Variants in DSTN observed in about 807,000 individuals in gnomAD.
The protein encoded by DSTN is destrin.
DSTN carries 10 observed loss-of-function variants against 16.8 expected under a neutral mutation model. The observed-to-expected ratio is 0.60, with a 90% confidence interval of 0.37 to 1.01. DSTN has a LOEUF of 1.01. DSTN is among the 50% of genes least tolerant of loss of function. The pLI is 0.01. For synonymous variants in DSTN, 57 were observed against 58.9 expected (o/e 0.97, Z 0.14); for missense variants, 141 against 196.7 (o/e 0.72, Z 1.69).
At chr20:17,602,854 C>G (rs1039259313) in intron 2 of DSTN, among the ~76,000 whole-genome samples, 2 of 152,050 alleles carry the variant, frequency 1.3e-5, no homozygotes, top group African/African-American at 4.8e-5. Flanking sequence ...CATGGTGCAA[C>G]CCCATCTCTA....
At position 17,607,143 on chromosome 20, in the gene DSTN, G is replaced by T. The variant is rs2035651348; in HGVS notation, c.495G>T (p.Val165=). ...TTGTAGCCTTTGAAGGATGCCCTGTGTAGATTATTCAGTGCCACAAATTGA... is the reference window on the plus strand; with the variant it reads ...TTGTAGCCTTTGAAGGATGCCCTGTTTAGATTATTCAGTGCCACAAATTGA... The part of the protein sequence containing the change: ...SLIVAFEGCP[V] The change falls in exon 4 of 4, where the codon GTG becomes GTT. Residue 165 remains valine, a synonymous_variant. Transcript: ENST00000246069. 5 of 1,611,660 alleles carry T rather than the reference G, an allele frequency of 3.1e-6. No homozygotes were observed. In the East Asian group the frequency reaches 1.1e-4, roughly 36 times the overall value.
At chr20:17,590,585 T>C (rs1310318561) in intron 1 of DSTN, among the ~76,000 whole-genome samples, 2 of 152,258 alleles carry the variant, frequency 1.3e-5, no homozygotes, top group Non-Finnish European at 2.9e-5. Context: ...GCTCTTGTTA[T>C]GATAGCAGTC....
chr20:17,604,245 G>T (rs1005504061), intron 2 of DSTN, among the ~76,000 whole-genome samples: 22 of 152,310 alleles, frequency 1.4e-4, no homozygotes, highest in Non-Finnish European at 2.5e-4. Context: ...GGGTTATACA[G>T]TGAAGTACTC....
In DSTN at chr20:17,570,323, A is replaced by G. The variant is rs532315806; in HGVS notation, c.3+112A>G. On this transcript the variant is annotated intron_variant, in intron 1 of 3. Coordinates refer to ENST00000246069, the MANE Select transcript of DSTN (RefSeq NM_006870.4). ...GAGCCGTGCCTCAGCCCGGGGAGGGACCCGGTCCGGCTGCAGTGTCCGGGC... is the reference window on the plus strand; with the variant it reads ...GAGCCGTGCCTCAGCCCGGGGAGGGGCCCGGTCCGGCTGCAGTGTCCGGGC... 29 of 1,317,138 alleles carry G rather than the reference A, an allele frequency of 2.2e-5. No individual in the cohort carries two copies. In the East Asian group the frequency reaches 8.5e-4, roughly 39 times the overall value. 81.6% of individuals were successfully genotyped at this position (1,317,138 alleles called of 1,614,324 possible).
At chr20:17,596,623 T>C (rs2035529504) in intron 1 of DSTN, 8 of 985,150 alleles carry the variant, frequency 8.1e-6, no homozygotes, top group Non-Finnish European at 9.6e-6. Flanking sequence ...TTTGTAATTG[T>C]GTCAAAATTG....
In DSTN at chr20:17,570,112, G is replaced by T. The variant is rs1252745131; in HGVS notation, c.-97G>T. ...GCTCGCGCCGCCGCGTCAGCTCAGC[G>T]CTGGGTCTCTCGGTCCCGCAGCCGT... On this transcript the variant is annotated 5_prime_UTR_variant, in exon 1 of 4. Coordinates refer to ENST00000246069, the MANE Select transcript of DSTN (RefSeq NM_006870.4). 2 of 1,498,660 alleles carry T rather than the reference G, an allele frequency of 1.3e-6. No individual in the cohort carries two copies. The highest frequency in any genetic ancestry group is 1.5e-5 in the African/African-American group (1 of 68,648). The allele number at this position is 1,498,660 out of a possible 1,614,324, so 92.8% of individuals were successfully genotyped here.
chr20:17,580,502 T>C (rs2035330310), intron 1 of DSTN, among the ~76,000 whole-genome samples: 1 of 152,152 alleles, frequency 6.6e-6, no homozygotes, highest in African/African-American at 2.4e-5. Flanking sequence ...AATCCAGCAC[T>C]TTGTGAGGCT....
chr20:17,582,556 T>A (rs902531546), intron 1 of DSTN, among the ~76,000 whole-genome samples: 1 of 152,214 alleles, frequency 6.6e-6, no homozygotes, highest in Non-Finnish European at 1.5e-5. Flanking sequence ...AAACTGTATT[T>A]CCCATTTCCC....
intron 1 of DSTN, among the ~76,000 whole-genome samples, chr20:17,581,492 A>G (rs961316075): frequency 2.0e-5 from 3 of 151,768 alleles, no homozygotes; most frequent in African/African-American, 7.3e-5. Flanking sequence ...CTAAACAAAC[A>G]AACAACAACA....
At chr20:17,588,330 A>G (rs571949916) in intron 1 of DSTN, among the ~76,000 whole-genome samples, 5 of 152,288 alleles carry the variant, frequency 3.3e-5, no homozygotes, top group South Asian at 2.1e-4. Flanking sequence ...CTTTACCTCT[A>G]TTGATTGATG....
chr20:17,582,798 G>A (rs1343836216), intron 1 of DSTN, among the ~76,000 whole-genome samples: 1 of 152,168 alleles, frequency 6.6e-6, no homozygotes, highest in Non-Finnish European at 1.5e-5. Flanking sequence ...GGCAATTTTT[G>A]TTGGTAGTTT....
intron 1 of DSTN, among the ~76,000 whole-genome samples, chr20:17,587,457 G>T (rs1361325919): frequency 6.6e-6 from 1 of 152,012 alleles, no homozygotes; most frequent in Non-Finnish European, 1.5e-5. Context: ...GAAACTTTAT[G>T]ATGATCCTTC....
In DSTN at chr20:17,608,562, G is replaced by A. The variant is rs113476958; in HGVS notation, c.*1416G>A. 6.6e-6 allele frequency: 1 copy of A among 150,524 alleles called. No homozygotes were observed. The highest frequency in any genetic ancestry group is 2.4e-5 in the African/African-American group (1 of 40,826). 9.3% of individuals were successfully genotyped at this position (150,524 alleles called of 1,614,324 possible). On this transcript the variant is annotated 3_prime_UTR_variant, in exon 4 of 4. Coordinates refer to ENST00000246069, the MANE Select transcript of DSTN (RefSeq NM_006870.4). The stretch of plus-strand genomic sequence containing the variant: ...GGAGGATCACTTGAGCCCAGGAGGT[G>A]AGCTGAGATCGTGCCACTGTACTCC...
chr20:17,592,204 T>A (rs1048209289), intron 1 of DSTN: 4 of 614,478 alleles, frequency 6.5e-6, no homozygotes, highest in Admixed American at 6.3e-5. Context: ...GGCAGGCAGA[T>A]GACTTGAGCC....
chr20:17,593,543 G>GATA (rs2035493854), intron 1 of DSTN, among the ~76,000 whole-genome samples: 1 of 152,194 alleles, frequency 6.6e-6, no homozygotes, highest in Non-Finnish European at 1.5e-5. Context: ...TCTTATGGGA[G>GATA]CATGTGATAC....
chr20:17,580,675 G>T (rs764585705), intron 1 of DSTN, among the ~76,000 whole-genome samples: 11 of 152,120 alleles, frequency 7.2e-5, no homozygotes, highest in Non-Finnish European at 1.2e-4. Context: ...TTGAACCCGG[G>T]AGGCGGAGGT....
chr20:17,600,618 T>C, intron 1 of DSTN, 120 bp from the exon 2 acceptor site: 1 of 1,205,590 alleles, frequency 8.3e-7, no homozygotes, highest in African/African-American at 1.5e-5. Flanking sequence ...TCTAGTTTTT[T>C]AATTAGATGA....
At chr20:17,570,658 G>A (rs904919344) in intron 1 of DSTN, among the ~76,000 whole-genome samples, 1 of 152,232 alleles carries the variant, frequency 6.6e-6, no homozygotes, top group Non-Finnish European at 1.5e-5. Context: ...TGAGGCGCTT[G>A]GTGACTTGTG....
At chr20:17,594,943 A>G (rs1163783026) in intron 1 of DSTN, among the ~76,000 whole-genome samples, 1 of 152,190 alleles carries the variant, frequency 6.6e-6, no homozygotes, top group Admixed American at 6.5e-5. Context: ...CATGTTGTGC[A>G]TCACATGCCT....
Sources: allele counts gnomAD v4.1 joint callset (sites outside exome capture counted in the v4.1 genomes callset), GRCh38; gene constraint gnomAD v4.1.1; transcripts MANE v1.5; gene names NCBI Gene and HGNC (gene_info 2026-07-23, HGNC 2026-07-21).